The following RNF185 variants were observed in gnomAD, a reference collection of about 807,000 sequenced individuals.
RNF185 encodes E3 ubiquitin-protein ligase RNF185.
In RNF185, 13 loss-of-function variants were observed where a neutral mutation model predicts 24.9. That is an observed-to-expected ratio of 0.52 (90% CI 0.34 to 0.83). RNF185 has a LOEUF of 0.83. Ranked by LOEUF, RNF185 falls within the 40% of genes least tolerant of loss-of-function variation. The pLI is 0.01. For synonymous variants in RNF185, 79 were observed against 90.3 expected (o/e 0.88, Z 0.71); for missense variants, 184 against 244.7 (o/e 0.75, Z 1.65).
At chr22:31,169,103 G>A (rs1174842462) in intron 1 of RNF185, among the ~76,000 whole-genome samples, 1 of 152,110 alleles carries the variant, frequency 6.6e-6, no homozygotes. Context: ...TAGAGACAAG[G>A]TTTCACCATG....
At chr22:31,164,778 G>A (rs1240573193) in intron 1 of RNF185, among the ~76,000 whole-genome samples, 1 of 151,776 alleles carries the variant, frequency 6.6e-6, no homozygotes, top group African/African-American at 2.4e-5. Flanking sequence ...GTAGAGTGGG[G>A]TTTCACCATG....
intron 1 of RNF185, among the ~76,000 whole-genome samples, chr22:31,184,050 G>T (rs1188365188): frequency 9.4e-5 from 14 of 149,620 alleles, no homozygotes; most frequent in African/African-American, 2.5e-4. Context: ...GCGGCTGGCC[G>T]GTCGGGGGCT....
chr22:31,204,617 G>T lies in RNF185; in HGVS notation c.*31G>T. The T allele has an allele frequency of 6.9e-7, 1 of 1,440,178 alleles. No individual in the cohort carries two copies. The highest frequency in any genetic ancestry group is 9.8e-7 in the Non-Finnish European group (1 of 1,023,176). The allele number at this position is 1,440,178 out of a possible 1,614,324, so 89.2% of individuals were successfully genotyped here. ...GGCTCCTGCCTACATCCGTGGCAGG[G>T]CTCTGGACTGGTGACGTGCCACCCC... On this transcript the variant is annotated 3_prime_UTR_variant, in exon 7 of 7. Transcript: ENST00000326132.
intron 4 of RNF185, among the ~76,000 whole-genome samples, chr22:31,196,104 C>G (rs1177294161): frequency 6.6e-6 from 1 of 152,188 alleles, no homozygotes; most frequent in Non-Finnish European, 1.5e-5. Context: ...ATTAGACTTT[C>G]TCTTAAAGGG....
intron 1 of RNF185, among the ~76,000 whole-genome samples, chr22:31,178,426 T>C (rs2048003447): frequency 6.6e-6 from 1 of 152,200 alleles, no homozygotes; most frequent in East Asian, 1.9e-4. Flanking sequence ...TAGAGAATCA[T>C]CTAGGGTAGA....
At chr22:31,175,661 G>A (rs1191158252) in intron 1 of RNF185, among the ~76,000 whole-genome samples, 1 of 152,066 alleles carries the variant, frequency 6.6e-6, no homozygotes, top group Non-Finnish European at 1.5e-5. Context: ...ATATAGTCAA[G>A]CAGTCTTGAA....
At chr22:31,181,936 T>TAGCAC (rs2048041347) in intron 1 of RNF185, among the ~76,000 whole-genome samples, 1 of 151,724 alleles carries the variant, frequency 6.6e-6, no homozygotes, top group Non-Finnish European at 1.5e-5. Context: ...CACACCAACA[T>TAGCAC]AGCACATGTA....
chr22:31,199,665 A>C (rs2048241774), intron 5 of RNF185, among the ~76,000 whole-genome samples: 1 of 152,200 alleles, frequency 6.6e-6, no homozygotes, highest in Admixed American at 6.5e-5. Context: ...TTCCTGATGA[A>C]ACAATTGCAC....
intron 2 of RNF185, 93 bp downstream of exon 2, chr22:31,187,363 CTTT>C: frequency 7.4e-7 from 1 of 1,351,542 alleles, no homozygotes; most frequent in Non-Finnish European, 1.0e-6. Context: ...TTCCTGCTCA[CTTT>C]GGGAATACAC....
At position 31,194,015 on chromosome 22, in the gene RNF185, C is replaced by G. The variant is rs368114516; in HGVS notation, c.195+1313C>G. Among the ~76,000 whole-genome samples the G allele has an allele frequency of 1.7e-4, 25 of 151,174 alleles. 3 individuals are homozygous for G. The highest frequency in any genetic ancestry group is 1.5e-3 in the Admixed American group (22 of 15,172). ...TCAAGCGATTCTTGTGCCTCAGCCT[C>G]CTGGGTAGCTGGGATTACAGGTGCA... On this transcript the variant is annotated intron_variant, in intron 3 of 6. Coordinates refer to ENST00000326132, the MANE Select transcript of RNF185 (RefSeq NM_152267.4).
chr22:31,188,610 T>C (rs2048122551), intron 2 of RNF185, among the ~76,000 whole-genome samples: 1 of 151,550 alleles, frequency 6.6e-6, no homozygotes, highest in Non-Finnish European at 1.5e-5. Context: ...GAGGATCACT[T>C]GAGCCCAGGA....
At chr22:31,168,194 G>A (rs1389433292) in intron 1 of RNF185, among the ~76,000 whole-genome samples, 2 of 152,064 alleles carry the variant, frequency 1.3e-5, no homozygotes. Context: ...TACAGTATTT[G>A]TCCTTTTTAT....
At chr22:31,171,814 C>T (rs972205634) in intron 1 of RNF185, among the ~76,000 whole-genome samples, 1 of 151,536 alleles carries the variant, frequency 6.6e-6, no homozygotes, top group African/African-American at 2.4e-5. Context: ...ACTAAAAATA[C>T]AAAATTAGCC....
At chr22:31,191,937 G>C (rs1343844652) in intron 2 of RNF185, among the ~76,000 whole-genome samples, 1 of 150,500 alleles carries the variant, frequency 6.6e-6, no homozygotes, top group East Asian at 2.0e-4. Context: ...TGAACTAGAA[G>C]TCAGGAGACT....
In RNF185 at chr22:31,195,557, G is replaced by T; in HGVS notation, c.284G>T (p.Gly95Val). The part of the protein sequence containing the change: ...RDKVIPLYGR[G>V]STGQQDPREK... ...AAGGTCATCCCCCTCTATGGAAGGG[G>T]CAGCACTGGGCAACAGGACCCCAGG... Residue 95 changes from glycine (G) to valine (V), a missense_variant, in exon 4 of 7, where the codon GGC becomes GTC. Physicochemically the swap from Gly to Val is moderately radical, Grantham distance 109. Coordinates refer to ENST00000326132, the MANE Select transcript of RNF185 (RefSeq NM_152267.4). 6.2e-7 allele frequency: 1 copy of T among 1,608,830 alleles called. No homozygotes were observed.
chr22:31,171,665 C>A (rs552314261), intron 1 of RNF185, among the ~76,000 whole-genome samples: 1 of 152,248 alleles, frequency 6.6e-6, no homozygotes, highest in African/African-American at 2.4e-5. Flanking sequence ...CTAGTCAGGA[C>A]CTTCTGTTGA....
chr22:31,180,869 C>A (rs1023423311), intron 1 of RNF185, among the ~76,000 whole-genome samples: 2 of 150,558 alleles, frequency 1.3e-5, no homozygotes, highest in Non-Finnish European at 2.9e-5. Flanking sequence ...CCAGAAATAA[C>A]TGTTGATGGT....
At chr22:31,198,515 C>A (rs1188347798) in intron 5 of RNF185, among the ~76,000 whole-genome samples, 1 of 149,818 alleles carries the variant, frequency 6.7e-6, no homozygotes, top group African/African-American at 2.4e-5. Context: ...TCTTCTGCCT[C>A]AGCCTCCAGA....
At chr22:31,195,076 C>T (rs2048192526) in intron 3 of RNF185, among the ~76,000 whole-genome samples, 1 of 152,074 alleles carries the variant, frequency 6.6e-6, no homozygotes, top group Non-Finnish European at 1.5e-5. Flanking sequence ...CCTCAGCCTC[C>T]CGAGTAGCTG....
Sources: allele counts gnomAD v4.1 joint callset (sites outside exome capture counted in the v4.1 genomes callset), GRCh38; gene constraint gnomAD v4.1.1; transcripts MANE v1.5; gene names NCBI Gene and HGNC (gene_info 2026-07-23, HGNC 2026-07-21).